The following PLCG2 variants were observed in gnomAD, a reference collection of about 807,000 sequenced individuals.
PLCG2 encodes the protein phospholipase C gamma 2, also known as 1-phosphatidylinositol 4,5-bisphosphate phosphodiesterase gamma-2.
A neutral mutation model predicts 175.6 loss-of-function variants in PLCG2; 69 were observed. That is an observed-to-expected ratio of 0.39 (90% confidence interval 0.32 to 0.48). The LOEUF (loss-of-function observed/expected upper bound fraction) is 0.48, where lower values mean the gene tolerates loss of function less well. PLCG2 is among the 20% of genes least tolerant of loss of function. The pLI is 0.91. For synonymous variants in PLCG2, 827 were observed against 624.0 expected, an observed-to-expected ratio of 1.33 and a Z score of -4.85; for missense variants, 1,798 against 1,650.9, an observed-to-expected ratio of 1.09 and a Z score of -1.54.
At position 81,878,343 on chromosome 16, in the gene PLCG2, G is replaced by A. The variant is rs186123301; in HGVS notation, c.649-2567G>A. 3.9e-5 allele frequency among the ~76,000 whole-genome samples: 6 copies of A among 152,180 alleles called. No homozygotes were observed. In the East Asian group the frequency reaches 1.2e-3, roughly 29 times the overall value. Reference sequence around the variant, plus strand: ...TTCGGGTCCACCCTAACCCAGCAAGGCCTCATCTTAACTTGATTGCACCTT... The same window carrying A: ...TTCGGGTCCACCCTAACCCAGCAAGACCTCATCTTAACTTGATTGCACCTT... On this transcript the variant is annotated intron_variant, in intron 7 of 32. Transcript: ENST00000564138.
At chr16:81,796,283 T>C (rs1235906553) in intron 2 of PLCG2, among the ~76,000 whole-genome samples, 1 of 152,228 alleles carries the variant, frequency 6.6e-6, no homozygotes, top group Non-Finnish European at 1.5e-5. Flanking sequence ...ACCTTGGCTT[T>C]TTCTGTTGCT....
intron 2 of PLCG2, among the ~76,000 whole-genome samples, chr16:81,845,364 G>A (rs1303856226): frequency 6.6e-6 from 1 of 151,928 alleles, no homozygotes; most frequent in Admixed American, 6.6e-5. Flanking sequence ...TATTTTAATT[G>A]ACAAACACAC....
intron 9 of PLCG2, among the ~76,000 whole-genome samples, chr16:81,886,468 T>C (rs1229438779): frequency 6.6e-6 from 1 of 152,240 alleles, no homozygotes; most frequent in Non-Finnish European, 1.5e-5. Context: ...TACAACTCGA[T>C]TCTATATCTG....
At chr16:81,859,328 A>C in intron 5 of PLCG2, 165 bp downstream of exon 5, 1 of 568,158 alleles carries the variant, frequency 1.8e-6, no homozygotes, top group Non-Finnish European at 3.2e-6. Context: ...GGATGACAAA[A>C]TCCTCCTCCT....
intron 7 of PLCG2, among the ~76,000 whole-genome samples, chr16:81,876,770 C>G (rs530360179): frequency 6.6e-6 from 1 of 152,332 alleles, no homozygotes; most frequent in East Asian, 1.9e-4. Context: ...CAGTGCCACC[C>G]CTGTCCCTTG....
chr16:81,815,273 C>G (rs1567478407), intron 2 of PLCG2, among the ~76,000 whole-genome samples: 1 of 152,094 alleles, frequency 6.6e-6, no homozygotes, highest in Non-Finnish European at 1.5e-5. Context: ...CCTGGTGGGC[C>G]CAGGCTAGAG....
intron 2 of PLCG2, among the ~76,000 whole-genome samples, chr16:81,818,021 C>G (rs999729916): frequency 1.2e-4 from 18 of 152,298 alleles, no homozygotes; most frequent in African/African-American, 3.9e-4. Context: ...CATCTACTCT[C>G]TGTTCCTTCC....
chr16:81,939,778 G>A (rs1351795532), intron 29 of PLCG2, 114 bp from the exon 30 acceptor site: 16 of 684,750 alleles, frequency 2.3e-5, no homozygotes, highest in Non-Finnish European at 4.2e-5. Flanking sequence ...TGGCATAGAT[G>A]CATATTTATT....
chr16:81,801,638 T>C (rs1278095210), intron 2 of PLCG2, among the ~76,000 whole-genome samples: 1 of 152,218 alleles, frequency 6.6e-6, no homozygotes, highest in Non-Finnish European at 1.5e-5. Flanking sequence ...TTTAAAAACC[T>C]ATCTCCCATT....
rs550322421 is a variant in PLCG2, at chr16:81,937,941, C to T, written c.3198+38C>T. The T allele has an allele frequency of 4.2e-5, 67 of 1,607,948 alleles. No homozygotes were observed. In the East Asian group the frequency reaches 5.4e-4, roughly 13 times the overall value. On this transcript the variant is annotated intron_variant, in intron 28 of 32. Coordinates refer to ENST00000564138, the MANE Select transcript of PLCG2 (RefSeq NM_002661.5). ...CTCCCTTCCTGCCAGGGGAGCCAGC[C>T]GCCCTCCCTGGGGGCTGGGCCGATG...
rs140568567 is a variant in PLCG2, at chr16:81,763,590, G to A, written c.-48+7624G>A. Among the ~76,000 whole-genome samples, 5 of 152,346 alleles carry A rather than the reference G, an allele frequency of 3.3e-5. No individual in the cohort carries two copies. The East Asian group carries it at 9.6e-4, about 29-fold the overall frequency. On this transcript the variant is annotated intron_variant, in intron 2 of 5. Coordinates refer to the PLCG2 transcript ENST00000565054. ...GCTGGTCTTCTAACGTCATCTTGGG[G>A]CTCCTAAGTTGTGTGCCTCAAGCCA...
In PLCG2 at chr16:81,858,357, G is replaced by GTAGT. The variant is rs760776693; in HGVS notation, c.431+3_431+6dup. ...CGTCCACGCCCACCATTATCGAGAG[G>GTAGT]TAGTTGGCTTTTGCCTGTTGATTTG... On this transcript the variant is annotated splice_donor_variant, in intron 4 of 32. Transcript: ENST00000564138. LOFTEE classifies it high-confidence loss of function. The GTAGT allele has an allele frequency of 1.2e-6, 2 of 1,611,048 alleles. No individual in the cohort carries two copies. Among genetic ancestry groups the GTAGT allele is most frequent in the Non-Finnish European group, 1.7e-6 (2 of 1,177,248 alleles).
At chr16:81,764,898 T>C (rs1910113220) in intron 2 of PLCG2, among the ~76,000 whole-genome samples, 1 of 152,008 alleles carries the variant, frequency 6.6e-6, no homozygotes, top group Admixed American at 6.6e-5. Flanking sequence ...GAGACCAGCC[T>C]GGACAAAACT....
intron 14 of PLCG2, among the ~76,000 whole-genome samples, chr16:81,903,173 G>A (rs4243220): frequency 0.84 from 127,429 of 152,220 alleles, 54,538 homozygotes; most frequent in East Asian, 0.97. Flanking sequence ...AGGCAGAGAA[G>A]GGGGATGTCC....
intron 14 of PLCG2, among the ~76,000 whole-genome samples, chr16:81,903,520 G>A (rs1478190981): frequency 6.6e-6 from 1 of 152,236 alleles, no homozygotes; most frequent in Non-Finnish European, 1.5e-5. Flanking sequence ...TGAGAAGTGT[G>A]AGGCCTGGAG....
intron 13 of PLCG2, among the ~76,000 whole-genome samples, chr16:81,897,224 A>T (rs983497506): frequency 6.6e-6 from 1 of 152,262 alleles, no homozygotes; most frequent in Admixed American, 6.5e-5. Context: ...AGCTGGCAAG[A>T]GGCCTTCTAT....
chr16:81,889,382 T>C, intron 10 of PLCG2, 109 bp downstream of exon 10: 2 of 679,952 alleles, frequency 2.9e-6, no homozygotes. Flanking sequence ...TGCTGTATGA[T>C]GTTGCCTCGA....
chr16:81,775,128 G>A (rs1480734865), upstream of PLCG2, among the ~76,000 whole-genome samples: 1 of 152,084 alleles, frequency 6.6e-6, no homozygotes, highest in African/African-American at 2.4e-5. Context: ...CAGTACAGAG[G>A]CTTCAGCACA....
chr16:81,749,929 C>A (rs1157569601), intron 1 of PLCG2, among the ~76,000 whole-genome samples: 2 of 151,862 alleles, frequency 1.3e-5, no homozygotes, highest in African/African-American at 4.8e-5. Context: ...ATCTACGCGG[C>A]GGAATGCAAG....
Sources: allele counts gnomAD v4.1 joint callset (sites outside exome capture counted in the v4.1 genomes callset), GRCh38; gene constraint gnomAD v4.1.1; transcripts MANE v1.5; gene names NCBI Gene and HGNC (gene_info 2026-07-23, HGNC 2026-07-21).